The following NSMCE2 variants were observed in gnomAD, a reference collection of about 807,000 sequenced individuals.
The protein encoded by NSMCE2 is E3 SUMO-protein ligase NSE2.
Under a neutral mutation model 23.8 loss-of-function variants are expected in NSMCE2, and 24 were observed. The ratio of observed to expected loss-of-function variants is 1.01; its 90% confidence interval spans 0.73 to 1.42. NSMCE2 has a LOEUF of 1.42. Among genes scored for constraint, NSMCE2 ranks in the 40% most tolerant of loss-of-function variants. NSMCE2 has a pLI of 0.00. For synonymous variants in NSMCE2, 92 were observed against 94.1 expected, an observed-to-expected ratio of 0.98 and a Z score of 0.13; for missense variants, 284 against 296.5, an observed-to-expected ratio of 0.96 and a Z score of 0.31.
At chr8:125,344,658 G>A (rs948495829) in intron 5 of NSMCE2, among the ~76,000 whole-genome samples, 2 of 150,762 alleles carry the variant, frequency 1.3e-5, no homozygotes, top group East Asian at 1.9e-4. Flanking sequence ...CAGGAGAGTC[G>A]CTTGAACCCA....
chr8:125,099,040 G>A lies in NSMCE2; in HGVS notation c.-110-3011G>A, dbSNP rs146065618. ...AGTATTACATTCATTCCTTCTTTCAGCAAGCCTTTGTTGAATGGCCACTAA... is the reference window on the plus strand; with the variant it reads ...AGTATTACATTCATTCCTTCTTTCAACAAGCCTTTGTTGAATGGCCACTAA... On this transcript the variant is annotated intron_variant, in intron 1 of 7. Transcript: ENST00000287437. Among the ~76,000 whole-genome samples, 303 of 152,226 alleles carry A rather than the reference G, an allele frequency of 2.0e-3. 2 individuals are homozygous for A. Among genetic ancestry groups the A allele is most frequent in the African/African-American group, 6.9e-3 (285 of 41,520 alleles).
chr8:125,357,644 T>G, intron 6 of NSMCE2, 68 bp from the exon 7 acceptor site: 1 of 1,170,288 alleles, frequency 8.5e-7, no homozygotes. Context: ...AGCTCAGGAC[T>G]AGGACGAAAC....
At chr8:125,112,439 A>T (rs757705985) in intron 3 of NSMCE2, among the ~76,000 whole-genome samples, 2 of 152,234 alleles carry the variant, frequency 1.3e-5, no homozygotes, top group Non-Finnish European at 1.5e-5. Flanking sequence ...CTGCCTTCTC[A>T]TATTCACTGC....
chr8:125,312,075 T>TAAAAAAAAAAAAAAA (rs56906621), intron 5 of NSMCE2, among the ~76,000 whole-genome samples: 1 of 99,410 alleles, frequency 1.0e-5, no homozygotes, highest in Non-Finnish European at 2.0e-5. Context: ...CCATCTCAAT[T>TAAAAAAAAAAAAAAA]AAAAAAAAAA....
chr8:125,347,395 C>T (rs962969385), intron 5 of NSMCE2, among the ~76,000 whole-genome samples: 1 of 152,192 alleles, frequency 6.6e-6, no homozygotes, highest in Non-Finnish European at 1.5e-5. Context: ...CACCTTGACT[C>T]TTCCCCTACC....
intron 5 of NSMCE2, among the ~76,000 whole-genome samples, chr8:125,232,847 AG>A (rs35287869): frequency 0.066 from 10,075 of 152,270 alleles, 428 homozygotes; most frequent in South Asian, 0.15. Flanking sequence ...TAAAAAAGAT[AG>A]GTTGGTAGTT....
chr8:125,205,805 C>T (rs1023368033), intron 5 of NSMCE2, among the ~76,000 whole-genome samples: 2 of 152,216 alleles, frequency 1.3e-5, no homozygotes, highest in African/African-American at 2.4e-5. Context: ...ATACCAGTAT[C>T]GTACTTAATA....
chr8:125,113,745 A>G (rs540098639), intron 3 of NSMCE2, among the ~76,000 whole-genome samples: 5 of 152,168 alleles, frequency 3.3e-5, no homozygotes, highest in African/African-American at 4.8e-5. Flanking sequence ...AGGATCCACC[A>G]TGTTCACATA....
chr8:125,353,883 CAAAAACT>C (rs1226787602), intron 5 of NSMCE2, among the ~76,000 whole-genome samples: 1 of 138,734 alleles, frequency 7.2e-6, no homozygotes, highest in African/African-American at 2.5e-5. Flanking sequence ...GACTCCGTCT[CAAAAACT>C]AAAAAATAAA....
At position 125,118,935 on chromosome 8, in the gene NSMCE2, C is replaced by T. The variant is rs112796398; in HGVS notation, c.157+16448C>T. Among the ~76,000 whole-genome samples, 998 of 152,206 alleles carry T rather than the reference C, an allele frequency of 6.6e-3. 19 individuals carry two copies. The highest frequency in any genetic ancestry group is 0.023 in the African/African-American group (952 of 41,518). On this transcript the variant is annotated intron_variant, in intron 3 of 7. Transcript: ENST00000287437. Reference sequence around the variant, plus strand: ...GGTTAATGGATCTTGATTTTGTTATCGATTACATTTTAAAACCACTTTTAA... The same window carrying T: ...GGTTAATGGATCTTGATTTTGTTATTGATTACATTTTAAAACCACTTTTAA...
chr8:125,334,182 G>A (rs1363104213), intron 5 of NSMCE2, among the ~76,000 whole-genome samples: 1 of 152,170 alleles, frequency 6.6e-6, no homozygotes, highest in Non-Finnish European at 1.5e-5. Context: ...TTAGACAACT[G>A]AAAGGGTGCT....
intron 5 of NSMCE2, among the ~76,000 whole-genome samples, chr8:125,244,570 G>T (rs997876379): frequency 6.6e-6 from 1 of 152,044 alleles, no homozygotes; most frequent in African/African-American, 2.4e-5. Flanking sequence ...TGATCCAAAG[G>T]TACATCTTTA....
chr8:125,271,311 G>T (rs943437618), intron 5 of NSMCE2, among the ~76,000 whole-genome samples: 1 of 151,886 alleles, frequency 6.6e-6, no homozygotes. Context: ...AGTGAGGGGG[G>T]TCTAAGTTAA....
chr8:125,231,956 TG>T (rs1825341351), intron 5 of NSMCE2, among the ~76,000 whole-genome samples: 1 of 152,228 alleles, frequency 6.6e-6, no homozygotes, highest in Non-Finnish European at 1.5e-5. Context: ...AATTAATTAA[TG>T]AAATGAAAGT....
intron 3 of NSMCE2, among the ~76,000 whole-genome samples, chr8:125,133,627 C>G (rs1400442016): frequency 1.3e-5 from 2 of 151,916 alleles, no homozygotes; most frequent in South Asian, 2.1e-4. Context: ...TGTAATCCCC[C>G]CAGCTACTCT....
intron 5 of NSMCE2, among the ~76,000 whole-genome samples, chr8:125,320,146 G>A (rs577603905): frequency 1.5e-4 from 22 of 149,706 alleles, no homozygotes; most frequent in African/African-American, 2.7e-4. Flanking sequence ...ACCACACTCC[G>A]GTCTGGGCAA....
intron 3 of NSMCE2, among the ~76,000 whole-genome samples, chr8:125,140,999 A>C (rs937926359): frequency 6.6e-6 from 1 of 152,188 alleles, no homozygotes; most frequent in South Asian, 2.1e-4. Context: ...TAGGTAGCCA[A>C]AGGGGGTCTG....
intron 5 of NSMCE2, among the ~76,000 whole-genome samples, chr8:125,292,671 C>T (rs1323912930): frequency 6.6e-6 from 1 of 152,158 alleles, no homozygotes; most frequent in Non-Finnish European, 1.5e-5. Flanking sequence ...GTTATCTCTC[C>T]AAAAGCTTCT....
chr8:125,136,726 T>G lies in NSMCE2; in HGVS notation c.158-14445T>G, dbSNP rs557657079. Among the ~76,000 whole-genome samples, 7 of 152,150 alleles carry G rather than the reference T, an allele frequency of 4.6e-5. 1 individual carries two copies. Among genetic ancestry groups the G allele is most frequent in the Admixed American group, 4.6e-4 (7 of 15,250 alleles). ...GTAGTTTACTTCACTCAACAAAGAG[T>G]TTTTTTGAGGCTTCTGGTAGGTTTA... On this transcript the variant is annotated intron_variant, in intron 3 of 7. Transcript: ENST00000287437.
Sources: gnomAD v4.1 joint callset for allele counts (sites outside exome capture counted in the v4.1 genomes callset) on GRCh38, gnomAD v4.1.1 for gene constraint, MANE v1.5 for transcripts, NCBI Gene and HGNC (gene_info 2026-07-23, HGNC 2026-07-21) for gene names.